PTPRD: variants seen among roughly 807,000 people sequenced by gnomAD.
PTPRD encodes protein tyrosine phosphatase receptor type D.
PTPRD carries 34 observed loss-of-function variants against 214.5 expected under a neutral mutation model. The ratio of observed to expected loss-of-function variants is 0.16; its 90% CI spans 0.12 to 0.21. PTPRD has a LOEUF of 0.21. Ranked by LOEUF, PTPRD falls within the 10% of genes least tolerant of loss-of-function variation. The pLI, the probability that PTPRD is intolerant of heterozygous loss-of-function variation, is 1.00. For missense variants in PTPRD, 2,545 were observed against 2,398.7 expected (o/e 1.06, Z -1.27); for synonymous variants, 1,128 against 845.7 (o/e 1.33, Z -5.79).
At chr9:10,280,997 G>C (rs922887939) in intron 3 of PTPRD, among the ~76,000 whole-genome samples, 34 of 152,158 alleles carry the variant, frequency 2.2e-4, no homozygotes, top group African/African-American at 8.2e-4. Flanking sequence ...GGTCTAGAAA[G>C]AAACAAATTC....
chr9:9,526,513 A>T (rs2074158393), intron 8 of PTPRD, among the ~76,000 whole-genome samples: 1 of 152,192 alleles, frequency 6.6e-6, no homozygotes, highest in African/African-American at 2.4e-5. Context: ...AAAAATACAG[A>T]CTAGAGTTTT....
chr9:9,666,831 G>C (rs557572196), intron 7 of PTPRD, among the ~76,000 whole-genome samples: 1 of 151,892 alleles, frequency 6.6e-6, no homozygotes, highest in South Asian at 2.1e-4. Context: ...ATAATTTTAG[G>C]GTAAATATCA....
rs1555510111 is a variant in PTPRD at position 8,911,415 on chromosome 9, T to TGTTGTGTATGTGTGTG, written c.-104+107281_-104+107282insCACACACATACACAAC. Among the ~76,000 whole-genome samples, 11 of 127,730 alleles carry TGTTGTGTATGTGTGTG rather than the reference T, an allele frequency of 8.6e-5. No individual in the cohort carries two copies. The South Asian group carries it at 2.8e-3, about 33-fold the overall frequency. 83.8% of individuals were successfully genotyped at this position (127,730 alleles called of 152,430 possible). On this transcript the variant is annotated intron_variant, in intron 11 of 45. Coordinates refer to ENST00000381196, the MANE Select transcript of PTPRD (RefSeq NM_002839.4). ...GTGTGTGTCTGTGTGTGTGTGTGTG[T>TGTTGTGTATGTGTGTG]TGTGTGTGTGTGTGTGTGTGTGTGT...
chr9:10,577,381 G>C (rs964677518), intron 2 of PTPRD, among the ~76,000 whole-genome samples: 1 of 152,176 alleles, frequency 6.6e-6, no homozygotes, highest in East Asian at 1.9e-4. Flanking sequence ...TGAATGGTAA[G>C]TCAAATTACA....
intron 14 of PTPRD, among the ~76,000 whole-genome samples, chr9:8,564,077 A>C (rs1317781568): frequency 6.6e-6 from 1 of 152,118 alleles, no homozygotes; most frequent in Non-Finnish European, 1.5e-5. Flanking sequence ...GTGGTACGAT[A>C]CTCTCTGGTG....
intron 9 of PTPRD, among the ~76,000 whole-genome samples, chr9:9,276,644 T>A (rs1945761142): frequency 6.6e-6 from 1 of 151,180 alleles, no homozygotes; most frequent in Non-Finnish European, 1.5e-5. Context: ...TTTCTTCTTT[T>A]GTGCTTTAAT....
At chr9:9,438,454 A>T (rs1326034648) in intron 8 of PTPRD, among the ~76,000 whole-genome samples, 1 of 152,178 alleles carries the variant, frequency 6.6e-6, no homozygotes, top group Non-Finnish European at 1.5e-5. Flanking sequence ...CTAAATATGC[A>T]TTGTGTGAAA....
At chr9:10,608,684 A>G (rs1311786617) in intron 2 of PTPRD, among the ~76,000 whole-genome samples, 6 of 152,140 alleles carry the variant, frequency 3.9e-5, no homozygotes, top group African/African-American at 1.2e-4. Context: ...CCTTAGGGTC[A>G]CACTTCCAAT....
chr9:9,388,157 T>G (rs1348666743), intron 9 of PTPRD, among the ~76,000 whole-genome samples: 2 of 152,190 alleles, frequency 1.3e-5, no homozygotes, highest in Non-Finnish European at 2.9e-5. Flanking sequence ...CAGCCGCTTG[T>G]GTCTTCTTCC....
chr9:9,594,257 A>T (rs375778592), intron 7 of PTPRD, among the ~76,000 whole-genome samples: 13 of 152,180 alleles, frequency 8.5e-5, no homozygotes, highest in East Asian at 5.8e-4. Context: ...GATGGGCTAT[A>T]TAATGGAGTT....
chr9:9,079,914 G>T (rs748351711), intron 10 of PTPRD, among the ~76,000 whole-genome samples: 7 of 152,174 alleles, frequency 4.6e-5, no homozygotes, highest in Non-Finnish European at 1.0e-4. Context: ...GAATAAGGGT[G>T]CCCTTAGTTT....
chr9:8,341,217 G>T lies in PTPRD; in HGVS notation c.4999C>A (p.Pro1667Thr), dbSNP rs778721966. 2.5e-6 allele frequency: 4 copies of T among 1,612,696 alleles called. No individual in the cohort carries two copies. Among genetic ancestry groups the T allele is most frequent in the African/African-American group, 1.3e-5 (1 of 74,812 alleles). Residue 1667 changes from proline (P) to threonine (T), a missense_variant, in exon 41 of 46, where the codon CCA becomes ACA. By Grantham distance (38) the Pro-to-Thr change is conservative. Transcript: ENST00000381196. ...HTSRFISANL[P>T]CNKFKNRLVN... The stretch of plus-strand genomic sequence containing the variant: ...AGGCGATTTTTGAATTTATTACATG[G>T]AAGATTGGCACTGATAAACCTTGAG...
chr9:8,869,248 T>C (rs1376278677), intron 11 of PTPRD, among the ~76,000 whole-genome samples: 1 of 152,214 alleles, frequency 6.6e-6, no homozygotes, highest in Admixed American at 6.6e-5. Flanking sequence ...GAATTCATTT[T>C]CTTGAGAAGA....
chr9:8,532,620 G>A (rs12350641), intron 14 of PTPRD, among the ~76,000 whole-genome samples: 2,519 of 152,114 alleles, frequency 0.017, 71 homozygotes, highest in African/African-American at 0.057. Context: ...GCTTTAAAGT[G>A]CCTTACTTAT....
intron 5 of PTPRD, among the ~76,000 whole-genome samples, chr9:9,856,174 C>T (rs1042601802): frequency 5.3e-5 from 8 of 152,134 alleles, no homozygotes; most frequent in African/African-American, 1.7e-4. Context: ...GTCAAGCTGT[C>T]CCTCTGAAGT....
chr9:10,431,127 G>C (rs933756753), intron 2 of PTPRD, among the ~76,000 whole-genome samples: 1 of 151,918 alleles, frequency 6.6e-6, no homozygotes, highest in Non-Finnish European at 1.5e-5. Flanking sequence ...TCTCAAGAGA[G>C]CTCTAAAAGT....
At chr9:9,080,896 T>G (rs324473) in intron 10 of PTPRD, among the ~76,000 whole-genome samples, 98,223 of 151,790 alleles carry the variant, frequency 0.65, 32,654 homozygotes, top group Non-Finnish European at 0.72. Flanking sequence ...CTTTTCTTCT[T>G]TACTCATCTG....
intron 7 of PTPRD, among the ~76,000 whole-genome samples, chr9:9,594,510 C>T (rs1429717134): frequency 6.6e-6 from 1 of 152,066 alleles, no homozygotes; most frequent in East Asian, 1.9e-4. Context: ...ATTATCCCAG[C>T]ACCATTTGTT....
chr9:8,789,217 T>G (rs2096123245), intron 11 of PTPRD, among the ~76,000 whole-genome samples: 1 of 152,018 alleles, frequency 6.6e-6, no homozygotes, highest in Non-Finnish European at 1.5e-5. Context: ...AATGAATTGT[T>G]TTTTCAGCAT....
Sources: gnomAD v4.1 joint callset for allele counts (sites outside exome capture counted in the v4.1 genomes callset) on GRCh38, gnomAD v4.1.1 for gene constraint, MANE v1.5 for transcripts, NCBI Gene and HGNC (gene_info 2026-07-23, HGNC 2026-07-21) for gene names.